The following EVC variants were observed in gnomAD, a reference collection of about 807,000 sequenced individuals.
EVC encodes EvC ciliary complex subunit 1.
EVC carries 116 observed loss-of-function variants against 118.9 expected under a neutral mutation model. The ratio of observed to expected loss-of-function variants is 0.98; its 90% CI spans 0.84 to 1.14. EVC has a LOEUF of 1.14. EVC is among the 50% of genes most tolerant of loss of function. The pLI is 0.00. For missense variants in EVC, 1,401 were observed against 1,246.4 expected (o/e 1.12, Z -1.87); for synonymous variants, 619 against 534.7 (o/e 1.16, Z -2.18).
chr4:5,790,176 A>T (rs1712494340), intron 12 of EVC, among the ~76,000 whole-genome samples: 1 of 124,076 alleles, frequency 8.1e-6, no homozygotes, highest in African/African-American at 2.7e-5. Context: ...GTGAGACTCC[A>T]TCTCAAAAAA....
At chr4:5,827,828 T>C in the EVC span, among the ~76,000 whole-genome samples, 12 of 152,102 alleles carry the variant, frequency 7.9e-5, no homozygotes, top group Non-Finnish European at 1.6e-4. Flanking sequence ...AGGGCCTGGC[T>C]GGGGAAGATG....
rs1361859756 is a variant in EVC at position 5,755,868 on chromosome 4, G to A, written c.1465-396G>A. ...CCCGTGGTCACAGTGGGGCCTGGCT[G>A]GTTGCTGACTGCACTGACCTCCAAT... On this transcript the variant is annotated intron_variant, in intron 10 of 20. Coordinates refer to ENST00000264956, the MANE Select transcript of EVC (RefSeq NM_153717.3). The surrounding 1 kb of genome is among the most constrained non-coding windows in gnomAD (Gnocchi z 4.1). Among the ~76,000 whole-genome samples, 3 of 152,158 alleles carry A rather than the reference G, an allele frequency of 2.0e-5. No individual in the cohort carries two copies. The highest frequency in any genetic ancestry group is 2.9e-5 in the Non-Finnish European group (2 of 68,028).
the EVC span, chr4:5,828,673 A>G: frequency 6.2e-7 from 1 of 1,612,944 alleles, no homozygotes; most frequent in Middle Eastern, 1.7e-4. Context: ...CACCGCCTGC[A>G]CCAACAGCCT....
chr4:5,763,333 G>A (rs1485291605), intron 11 of EVC, among the ~76,000 whole-genome samples: 3,042 of 113,402 alleles, frequency 0.027, 41 homozygotes, highest in Middle Eastern at 0.069. Flanking sequence ...GTCAGGTAGC[G>A]TGATGCCTCC....
chr4:5,797,346 G>T, intron 14 of EVC, 114 bp downstream of exon 14: 2 of 924,278 alleles, frequency 2.2e-6, no homozygotes, highest in Non-Finnish European at 3.4e-6. Flanking sequence ...GTGCTGCAGG[G>T]TGCGGTATTC....
chr4:5,783,794 G>A (rs755513448), intron 12 of EVC, 30 bp downstream of exon 12: 25 of 1,574,090 alleles, frequency 1.6e-5, no homozygotes, highest in Middle Eastern at 1.7e-4. Flanking sequence ...CAGGGGCTGG[G>A]GTCTGCATTT....
Position 5,798,734 on chromosome 4 carries a change from T to C in EVC, c.2246T>C (p.Leu749Pro). ...HMECAIGQAL[L>P]VHARNAATKS... ...GAGTGCGCCATTGGGCAGGCGCTGCTGGTGCATGCACGGAATGCAGCCACC... is the reference window on the plus strand; with the variant it reads ...GAGTGCGCCATTGGGCAGGCGCTGCCGGTGCATGCACGGAATGCAGCCACC... The change falls in exon 15 of 21, where the codon CTG becomes CCG. Residue 749 changes from leucine to proline, a missense_variant. Physicochemically the swap from Leu to Pro is moderately conservative, Grantham distance 98. Coordinates refer to ENST00000264956, the MANE Select transcript of EVC (RefSeq NM_153717.3). This position sits in a 1 kb window ranked among gnomAD's most constrained non-coding sequence, Gnocchi z 4.1. 3 of 1,611,156 alleles carry C rather than the reference T, an allele frequency of 1.9e-6. No homozygotes were observed. Among genetic ancestry groups the C allele is most frequent in the Non-Finnish European group, 2.5e-6 (3 of 1,179,954 alleles).
intron 2 of EVC, among the ~76,000 whole-genome samples, chr4:5,726,643 C>T (rs1490327015): frequency 6.9e-6 from 1 of 145,398 alleles, no homozygotes; most frequent in African/African-American, 2.5e-5. Context: ...CATATGTATA[C>T]ATGTGCCATG....
At chr4:5,765,537 T>C (rs1316476823) in intron 11 of EVC, among the ~76,000 whole-genome samples, 7 of 119,964 alleles carry the variant, frequency 5.8e-5, no homozygotes, top group Non-Finnish European at 3.6e-5. Context: ...TGTGGGAGTC[T>C]ATGTCTCTTT....
Position 5,752,855 on chromosome 4 carries a change from T to TG in EVC, c.1122dup (p.Arg375AlafsTer9). 1 of 1,614,198 alleles carries TG rather than the reference T, an allele frequency of 6.2e-7. No individual in the cohort carries two copies. The highest frequency in any genetic ancestry group is 8.5e-7 in the Non-Finnish European group (1 of 1,180,024). On this transcript the variant is annotated frameshift_variant, in exon 9 of 21. Transcript: ENST00000264956. LOFTEE classifies it high-confidence loss of function. ...TTGCAGGACGCCCTGGAGAGGACGA[T>TG]GGGGCGGGCGCACATGGCAAAAGTG... is the stretch of plus-strand genomic sequence containing the variant.
intron 16 of EVC, among the ~76,000 whole-genome samples, chr4:5,802,466 C>T (rs1046903450): frequency 1.8e-4 from 28 of 152,258 alleles, no homozygotes; most frequent in African/African-American, 6.7e-4. Context: ...GAAATGGTTT[C>T]AGACGATTCA....
the EVC span, among the ~76,000 whole-genome samples, chr4:5,820,436 T>C: frequency 6.6e-6 from 1 of 152,126 alleles, no homozygotes; most frequent in African/African-American, 2.4e-5. Flanking sequence ...AAGGAAGAAA[T>C]GTGAAGTTTA....
chr4:5,731,288 T>C lies in EVC; in HGVS notation c.385-137T>C. The C allele has an allele frequency of 1.2e-6, 1 of 801,780 alleles. No homozygotes were observed. Among genetic ancestry groups the C allele is most frequent in the Non-Finnish European group, 2.2e-6 (1 of 450,942 alleles). The allele number at this position is 801,780 out of a possible 1,614,324, so 49.7% of individuals were successfully genotyped here. On this transcript the variant is annotated intron_variant, in intron 3 of 20. Coordinates refer to ENST00000264956, the MANE Select transcript of EVC (RefSeq NM_153717.3). The surrounding 1 kb of genome is among the most constrained non-coding windows in gnomAD (Gnocchi z 5.6). ...CCTGGGACGGAAACTCTGTGGTGTC[T>C]GCTGGCACCCTGGCCAGTCTCCTCC...
At chr4:5,750,187 G>A (rs1730140418) in intron 8 of EVC, among the ~76,000 whole-genome samples, 1 of 152,160 alleles carries the variant, frequency 6.6e-6, no homozygotes. Flanking sequence ...TGGGCCTGAA[G>A]CTTCCTGGTT....
At chr4:5,772,079 G>C (rs774532963) in intron 11 of EVC, among the ~76,000 whole-genome samples, 1 of 151,952 alleles carries the variant, frequency 6.6e-6, no homozygotes, top group Non-Finnish European at 1.5e-5. Context: ...TGTATTTTTA[G>C]TAGAGACAAG....
At chr4:5,824,486 C>T in the EVC span, 9 of 828,528 alleles carry the variant, frequency 1.1e-5, no homozygotes, top group East Asian at 1.2e-4. Context: ...ACGTCATCCT[C>T]TCTCTCTCTC....
chr4:5,778,597 G>T (rs373547811), intron 11 of EVC, among the ~76,000 whole-genome samples: 9 of 152,304 alleles, frequency 5.9e-5, no homozygotes, highest in East Asian at 1.9e-4. Context: ...CATTGATGGT[G>T]AGCATTTTTT....
intron 1 of EVC, among the ~76,000 whole-genome samples, chr4:5,718,548 A>G (rs1477794394): frequency 1.3e-5 from 2 of 152,100 alleles, no homozygotes; most frequent in African/African-American, 2.4e-5. Flanking sequence ...TATGAAAAGG[A>G]TGTTTGTTTA....
At chr4:5,825,628 A>G in the EVC span, 1 of 1,609,922 alleles carries the variant, frequency 6.2e-7, no homozygotes, top group African/African-American at 1.3e-5. The surrounding 1 kb of genome is among the most constrained non-coding windows in gnomAD (Gnocchi z 4.4). Flanking sequence ...ACCGTCATAC[A>G]TGCCCCTGGA....
Sources: allele counts gnomAD v4.1 joint callset (sites outside exome capture counted in the v4.1 genomes callset), GRCh38; gene constraint gnomAD v4.1.1; non-coding constraint Gnocchi (gnomAD v3.1); transcripts MANE v1.5; gene names NCBI Gene and HGNC (gene_info 2026-07-23, HGNC 2026-07-21).